RPS6KA2: variants seen among roughly 807,000 people sequenced by gnomAD.
The protein encoded by RPS6KA2 is ribosomal protein S6 kinase alpha-2.
A neutral mutation model predicts 91.8 loss-of-function variants in RPS6KA2; 42 were observed. The observed-to-expected ratio is 0.46, with a 90% CI of 0.36 to 0.59. The LOEUF is 0.59. Ranked by LOEUF, RPS6KA2 falls within the 20% of genes least tolerant of loss-of-function variation. The pLI is 0.00. For synonymous variants in RPS6KA2, 414 were observed against 393.6 expected (o/e 1.05, Z -0.61); for missense variants, 798 against 978.5 (o/e 0.82, Z 2.46).
chr6:166,577,549 T>C (rs1467152352), intron 1 of RPS6KA2, among the ~76,000 whole-genome samples: 5 of 152,240 alleles, frequency 3.3e-5, no homozygotes, highest in Non-Finnish European at 4.4e-5. Flanking sequence ...CACTGGATTT[T>C]GGACTTGCAT....
At chr6:166,553,985 C>T (rs933326123) in intron 1 of RPS6KA2, among the ~76,000 whole-genome samples, 3 of 152,094 alleles carry the variant, frequency 2.0e-5, no homozygotes, top group East Asian at 3.9e-4. Context: ...AACTAGTATG[C>T]GTATTTCAGA....
intron 12 of RPS6KA2, 64 bp from the exon 13 acceptor site, chr6:166,451,297 A>T: frequency 6.4e-7 from 1 of 1,573,616 alleles, no homozygotes; most frequent in Non-Finnish European, 8.7e-7. Context: ...GTGAAGTGAT[A>T]GTGTGTGTGT....
Position 166,767,779 on chromosome 6 carries a change from ACAC to A in RPS6KA2, c.123+90418_123+90420del, listed in dbSNP as rs1778358667. ...CTAAAGACAATACCTCCTCAAACACACACACACACACACACACACACACACACA... is the reference window on the plus strand; with the variant it reads ...CTAAAGACAATACCTCCTCAAACACAACACACACACACACACACACACACA... On this transcript the variant is annotated intron_variant, in intron 2 of 21. Transcript: ENST00000503859. The surrounding 1 kb of genome is among the most constrained non-coding windows in gnomAD (Gnocchi z 4.6). Among the ~76,000 whole-genome samples, 8 of 21,020 alleles carry A rather than the reference ACAC, an allele frequency of 3.8e-4. No homozygotes were observed. The highest frequency in any genetic ancestry group is 9.4e-4 in the Non-Finnish European group (8 of 8,524). The allele number at this position is 21,020 out of a possible 152,430, so 13.8% of individuals were successfully genotyped here.
intron 2 of RPS6KA2, among the ~76,000 whole-genome samples, chr6:166,854,193 T>C (rs1225210626): frequency 6.6e-6 from 1 of 152,172 alleles, no homozygotes; most frequent in Non-Finnish European, 1.5e-5. Flanking sequence ...CCCTCAGCAA[T>C]GGTGAATAAA....
chr6:166,432,082 G>T (rs143791199), intron 15 of RPS6KA2, among the ~76,000 whole-genome samples: 3 of 152,324 alleles, frequency 2.0e-5, no homozygotes, highest in Non-Finnish European at 4.4e-5. Flanking sequence ...GAGGAAAATT[G>T]TCTCCTGTCT....
chr6:166,530,542 C>A (rs1034936697), intron 3 of RPS6KA2, among the ~76,000 whole-genome samples: 3 of 152,232 alleles, frequency 2.0e-5, no homozygotes, highest in Non-Finnish European at 4.4e-5. Flanking sequence ...AAGCTGCTGT[C>A]AGTTCATCTG....
intron 1 of RPS6KA2, among the ~76,000 whole-genome samples, chr6:166,558,911 G>A (rs923720403): frequency 3.9e-5 from 6 of 152,300 alleles, no homozygotes; most frequent in Admixed American, 3.9e-4. Context: ...CTTTATGTGA[G>A]GCAGAAATTC....
At chr6:166,413,711 T>C in intron 20 of RPS6KA2, 83 bp downstream of exon 20, 1 of 1,445,360 alleles carries the variant, frequency 6.9e-7, no homozygotes, top group South Asian at 1.3e-5. Context: ...CTCTGTGGTT[T>C]CTTCGGAGTG....
At position 166,430,630 on chromosome 6, in the gene RPS6KA2, G is replaced by T; in HGVS notation, c.1423-19C>A. ...CATAGACCTGCGGAGTGGAGAAGGG[G>T]CGCACACGTCACCACGGCTGGTTGC... On this transcript the variant is annotated intron_variant, in intron 15 of 20. Coordinates refer to ENST00000265678, the MANE Select transcript of RPS6KA2 (RefSeq NM_021135.6). The T allele has an allele frequency of 6.2e-7, 1 of 1,601,698 alleles. No individual in the cohort carries two copies. Among genetic ancestry groups the T allele is most frequent in the Non-Finnish European group, 8.5e-7 (1 of 1,171,302 alleles).
At chr6:166,774,627 A>G (rs1413430959) in intron 2 of RPS6KA2, among the ~76,000 whole-genome samples, 1 of 151,846 alleles carries the variant, frequency 6.6e-6, no homozygotes, top group Non-Finnish European at 1.5e-5. Context: ...AAGTCATTGG[A>G]CTCCTCAGCC....
intron 2 of RPS6KA2, among the ~76,000 whole-genome samples, chr6:166,672,065 G>A (rs776593635): frequency 1.3e-5 from 2 of 152,192 alleles, no homozygotes; most frequent in African/African-American, 4.8e-5. Flanking sequence ...TGTGGGTCCC[G>A]CTAGTTGCTG....
At chr6:166,552,811 T>C (rs1784060684) in intron 1 of RPS6KA2, among the ~76,000 whole-genome samples, 1 of 152,250 alleles carries the variant, frequency 6.6e-6, no homozygotes, top group African/African-American at 2.4e-5. Context: ...TCATTTCCTA[T>C]GCACAAAAAC....
chr6:166,474,110 C>T (rs1780873072), intron 10 of RPS6KA2, among the ~76,000 whole-genome samples: 2 of 152,036 alleles, frequency 1.3e-5, no homozygotes, highest in African/African-American at 4.8e-5. Flanking sequence ...AGGCCCTGGG[C>T]ATGGGTCTCT....
intron 2 of RPS6KA2, among the ~76,000 whole-genome samples, chr6:166,807,097 G>T (rs999640191): frequency 6.6e-6 from 1 of 152,088 alleles, no homozygotes; most frequent in Admixed American, 6.5e-5. Flanking sequence ...GAGACAAAAC[G>T]CTATAATATA....
At chr6:166,623,992 T>C (rs943480804) in intron 1 of RPS6KA2, among the ~76,000 whole-genome samples, 1 of 152,168 alleles carries the variant, frequency 6.6e-6, no homozygotes. Flanking sequence ...TAAAATTTAT[T>C]TTAAAATCAA....
intron 2 of RPS6KA2, among the ~76,000 whole-genome samples, chr6:166,645,214 C>T (rs1427821381): frequency 6.6e-6 from 1 of 152,206 alleles, no homozygotes; most frequent in Non-Finnish European, 1.5e-5. Flanking sequence ...GAAAATGTAA[C>T]AAGATGCATA....
intron 5 of RPS6KA2, among the ~76,000 whole-genome samples, chr6:166,505,902 C>T (rs141079492): frequency 1.3e-5 from 2 of 152,350 alleles, no homozygotes; most frequent in African/African-American, 4.8e-5. Context: ...CATATCCACA[C>T]GTGGCCCACC....
chr6:166,488,396 G>A (rs1042573038), intron 10 of RPS6KA2, among the ~76,000 whole-genome samples: 7 of 152,122 alleles, frequency 4.6e-5, no homozygotes, highest in Non-Finnish European at 1.0e-4. Context: ...TCCTCAATAC[G>A]CTGTCACATA....
intron 2 of RPS6KA2, among the ~76,000 whole-genome samples, chr6:166,647,949 CAT>C (rs1375738594): frequency 1.1e-4 from 16 of 148,500 alleles, no homozygotes; most frequent in East Asian, 2.0e-4. Flanking sequence ...CATACACACA[CAT>C]GCACATGCTT....
Sources: allele counts gnomAD v4.1 joint callset (sites outside exome capture counted in the v4.1 genomes callset), GRCh38; gene constraint gnomAD v4.1.1; non-coding constraint Gnocchi (gnomAD v3.1); transcripts MANE v1.5; gene names NCBI Gene and HGNC (gene_info 2026-07-23, HGNC 2026-07-21).